Variants in PLPP5 observed in about 807,000 individuals in gnomAD.
PLPP5 encodes the protein diacylglycerol pyrophosphate like 1.
Under a neutral mutation model 23.6 loss-of-function variants are expected in PLPP5, and 29 were observed. The observed-to-expected ratio is 1.23, with a 90% CI of 0.92 to 1.68. PLPP5 has a LOEUF of 1.68. Ranked by LOEUF, PLPP5 falls within the 40% of genes most tolerant of loss-of-function variation. The pLI is 0.00. For synonymous variants in PLPP5, 143 were observed against 131.3 expected, an observed-to-expected ratio of 1.09 and a Z score of -0.61; for missense variants, 315 against 332.1, an observed-to-expected ratio of 0.95 and a Z score of 0.40.
At position 38,264,313 on chromosome 8, in the gene PLPP5, TGTATTTTTA is replaced by T. The variant is rs1260425998; in HGVS notation, c.*122_*130del. The T allele has an allele frequency of 3.1e-5, 25 of 812,840 alleles. No individual in the cohort carries two copies. The highest frequency in any genetic ancestry group is 4.4e-5 in the Non-Finnish European group (25 of 573,554). 50.4% of individuals were successfully genotyped at this position (812,840 alleles called of 1,614,324 possible). The stretch of plus-strand genomic sequence containing the variant: ...CGGCACACAACTCCTGGCTAATTTT[TGTATTTTTA>T]GTAGAGACAGGGTTCACCATGTTGG... On this transcript the variant is annotated 3_prime_UTR_variant, in exon 7 of 7. Transcript: ENST00000424479.
chr8:38,267,522 A>G, intron 4 of PLPP5, 131 bp from the exon 5 acceptor site: 2 of 1,078,644 alleles, frequency 1.9e-6, no homozygotes, highest in Admixed American at 5.5e-5. Context: ...TAACTGGCTT[A>G]GTATAGTCAC....
intron 6 of PLPP5, 85 bp downstream of exon 6, chr8:38,266,056 T>A: frequency 7.9e-7 from 1 of 1,261,918 alleles, no homozygotes; most frequent in Non-Finnish European, 1.1e-6. Context: ...TCAGCAGATA[T>A]TTAGTAAGCA....
At position 38,265,143 on chromosome 8, in the gene PLPP5, G is replaced by A. The variant is rs1240705379; in HGVS notation, c.635-539C>T. ...TAGCCGGGCGTGGTGGCATGTGCCT[G>A]TAATCCCAGATACTCAGGAGGCTGA... is the stretch of plus-strand genomic sequence containing the variant. On this transcript the variant is annotated intron_variant, in intron 6 of 6. Coordinates refer to ENST00000424479, the MANE Select transcript of PLPP5 (RefSeq NM_001102559.2). 2.3e-5 allele frequency: 12 copies of A among 528,508 alleles called. No individual in the cohort carries two copies. In the East Asian group the frequency reaches 2.7e-4, roughly 12 times the overall value. The allele number at this position is 528,508 out of a possible 1,614,324, so 32.7% of individuals were successfully genotyped here.
At position 38,269,210 on chromosome 8, in the gene PLPP5, G is replaced by GT; in HGVS notation, c.-12_-11insA. 1.3e-6 allele frequency: 2 copies of GT among 1,496,566 alleles called. No individual in the cohort carries two copies. The highest frequency in any genetic ancestry group is 2.5e-5 in the South Asian group (2 of 80,122). The allele number at this position is 1,496,566 out of a possible 1,614,324, so 92.7% of individuals were successfully genotyped here. A position where few individuals can be genotyped will look rare whatever the true frequency, so the allele number is the denominator to read the frequency against. On this transcript the variant is annotated 5_prime_UTR_variant, in exon 1 of 7. Transcript: ENST00000424479. Reference sequence around the variant, plus strand: ...CGCCGCCTTCCCCATCCGGCCGCGAGCTCCGAGCGACGCTGCGCTGACGTG... The same window carrying GT: ...CGCCGCCTTCCCCATCCGGCCGCGAGTCTCCGAGCGACGCTGCGCTGACGTG...
intron 6 of PLPP5, among the ~76,000 whole-genome samples, chr8:38,265,244 C>T (rs1440586734): frequency 9.7e-5 from 13 of 133,490 alleles, no homozygotes; most frequent in South Asian, 2.3e-4. Context: ...CCAGCCTGGG[C>T]GCAGAGCTAG....
Position 38,269,206 on chromosome 8 carries a change from G to C in PLPP5, c.-7C>G, listed in dbSNP as rs781738657. ...CCGCCGCCGCCTTCCCCATCCGGCCGCGAGCTCCGAGCGACGCTGCGCTGA... is the reference window on the plus strand; with the variant it reads ...CCGCCGCCGCCTTCCCCATCCGGCCCCGAGCTCCGAGCGACGCTGCGCTGA... On this transcript the variant is annotated 5_prime_UTR_variant, in exon 1 of 7. Transcript: ENST00000424479. 2,887 of 1,497,404 alleles carry C rather than the reference G, an allele frequency of 1.9e-3. 13 individuals are homozygous for C. The highest frequency in any genetic ancestry group is 1.8e-3 in the Non-Finnish European group (2,033 of 1,131,280). 92.8% of individuals were successfully genotyped at this position (1,497,404 alleles called of 1,614,324 possible). A position where few individuals can be genotyped will look rare whatever the true frequency, so the allele number is the denominator to read the frequency against.
Position 38,263,852 on chromosome 8 carries a change from T to G in PLPP5, c.*592A>C. On this transcript the variant is annotated 3_prime_UTR_variant, in exon 7 of 7. Coordinates refer to ENST00000424479, the MANE Select transcript of PLPP5 (RefSeq NM_001102559.2). ...ATCCTTCTAAGAATGGCATTTAAAT[T>G]AAATGTAAAAACACTGTAGATCTTC... 1.0e-6 allele frequency: 1 copy of G among 985,292 alleles called. No individual in the cohort carries two copies. The highest frequency in any genetic ancestry group is 1.2e-6 in the Non-Finnish European group (1 of 829,790). The allele number at this position is 985,292 out of a possible 1,614,324, so 61.0% of individuals were successfully genotyped here.
Position 38,264,786 on chromosome 8 carries a change from T to A in PLPP5, c.635-182A>T, listed in dbSNP as rs936757012. 4.7e-6 allele frequency: 7 copies of A among 1,501,154 alleles called. No individual in the cohort carries two copies. The African/African-American group carries it at 9.9e-5, about 21-fold the overall frequency. 93.0% of individuals were successfully genotyped at this position (1,501,154 alleles called of 1,614,324 possible). ...TCTCAATTTTATCATAGTTACAGTATTATCATTGTCAGGTTGCTTTCTGAA... is the reference window on the plus strand; with the variant it reads ...TCTCAATTTTATCATAGTTACAGTAATATCATTGTCAGGTTGCTTTCTGAA... On this transcript the variant is annotated intron_variant, in intron 6 of 6. Coordinates refer to ENST00000424479, the MANE Select transcript of PLPP5 (RefSeq NM_001102559.2).
chr8:38,264,489 A>G lies in PLPP5; in HGVS notation c.750T>C (p.Leu250=), dbSNP rs752034336. The change falls in exon 7 of 7, where the codon CTT becomes CTC. Residue 250 remains leucine (L), a synonymous_variant. Coordinates refer to ENST00000424479, the MANE Select transcript of PLPP5 (RefSeq NM_001102559.2). ...AATCCCCAGGCTTCTGTGCAGTGGA[A>G]AGTACAAGTTTGTCTTGAAATGGTT... is the stretch of plus-strand genomic sequence containing the variant. ...CHKPFQDKLV[L]STAQKPGDSY... The G allele has an allele frequency of 3.3e-5, 52 of 1,553,832 alleles. No individual in the cohort carries two copies. The East Asian group carries it at 1.0e-3, about 30-fold the overall frequency.
At chr8:38,268,833 G>C (rs755185719) in intron 2 of PLPP5, 49 bp downstream of exon 2, 105 of 1,483,812 alleles carry the variant, frequency 7.1e-5, no homozygotes, top group Non-Finnish European at 8.0e-5. Flanking sequence ...AGGTGCCCGC[G>C]GGAAGCCGGG....
intron 2 of PLPP5, 63 bp downstream of exon 2, chr8:38,268,819 G>T: frequency 6.8e-7 from 1 of 1,464,344 alleles, no homozygotes; most frequent in South Asian, 1.4e-5. Context: ...GGTGGAAAAC[G>T]CACAGGTGCC....
In PLPP5 at chr8:38,269,178, C is replaced by T. The variant is rs1292718048; in HGVS notation, c.22G>A (p.Val8Met). 4 of 1,500,434 alleles carry T rather than the reference C, an allele frequency of 2.7e-6. No individual in the cohort carries two copies. The highest frequency in any genetic ancestry group is 2.7e-5 in the East Asian group (1 of 36,430). 92.9% of individuals were successfully genotyped at this position (1,500,434 alleles called of 1,614,324 possible). Residue 8 changes from valine to methionine, a missense_variant, in exon 1 of 7, where the codon GTG becomes ATG. By Grantham distance (21) the Val-to-Met change is conservative (BLOSUM62 1). Coordinates refer to ENST00000424479, the MANE Select transcript of PLPP5 (RefSeq NM_001102559.2). MGKAAAA[V>M]AFGAEVGVRL... Reference sequence around the variant, plus strand: ...ACGCCCACTTCGGCCCCAAAGGCCACCGCCGCCGCCGCCTTCCCCATCCGG... The same window carrying T: ...ACGCCCACTTCGGCCCCAAAGGCCATCGCCGCCGCCGCCTTCCCCATCCGG...
intron 3 of PLPP5, 32 bp downstream of exon 3, chr8:38,268,339 G>T: frequency 6.5e-7 from 1 of 1,539,622 alleles, no homozygotes; most frequent in South Asian, 1.2e-5. Context: ...TTCCCAGCAC[G>T]AAGAAACCGG....
At chr8:38,267,074 A>G (rs1807730273) in intron 5 of PLPP5, 193 bp downstream of exon 5, 3 of 1,436,228 alleles carry the variant, frequency 2.1e-6, no homozygotes, top group Non-Finnish European at 2.7e-6. Context: ...AAGGTAAACT[A>G]CCTTTCTGTT....
Position 38,263,691 on chromosome 8 carries a change from A to G in PLPP5, c.*753T>C. 4 of 985,334 alleles carry G rather than the reference A, an allele frequency of 4.1e-6. No homozygotes were observed. The highest frequency in any genetic ancestry group is 4.8e-6 in the Non-Finnish European group (4 of 829,826). The allele number at this position is 985,334 out of a possible 1,614,324, so 61.0% of individuals were successfully genotyped here. A position where few individuals can be genotyped will look rare whatever the true frequency, so the allele number is the denominator to read the frequency against. ...ATGGAATTGTCATCAGAGAAGGTAAACAGAATCAAAGTAATTTAGTTGGCC... is the reference window on the plus strand; with the variant it reads ...ATGGAATTGTCATCAGAGAAGGTAAGCAGAATCAAAGTAATTTAGTTGGCC... On this transcript the variant is annotated 3_prime_UTR_variant, in exon 7 of 7. Transcript: ENST00000424479.
Position 38,264,458 on chromosome 8 carries a change from A to C in PLPP5, c.781T>G (p.Cys261Gly). 1 of 1,548,778 alleles carries C rather than the reference A, an allele frequency of 6.5e-7. No homozygotes were observed. The highest frequency in any genetic ancestry group is 8.7e-7 in the Non-Finnish European group (1 of 1,146,354). Residue 261 changes from cysteine (C) to glycine (G), a missense_variant, in exon 7 of 7, where the codon TGT becomes GGT. Coordinates refer to ENST00000424479, the MANE Select transcript of PLPP5 (RefSeq NM_001102559.2). Reference protein sequence around the residue: ...STAQKPGDSYCFDI With the variant: ...STAQKPGDSYGFDI ...AGATTCAATTTTTAAATATCAAAACAATAAGAATCCCCAGGCTTCTGTGCA... is the reference window on the plus strand; with the variant it reads ...AGATTCAATTTTTAAATATCAAAACCATAAGAATCCCCAGGCTTCTGTGCA...
intron 4 of PLPP5, chr8:38,267,629 C>G (rs1807850304): frequency 1.6e-6 from 1 of 620,208 alleles, no homozygotes; most frequent in African/African-American, 1.8e-5. Context: ...CAGCAAATGA[C>G]ACTGCAGCTT....
chr8:38,264,224 T>C lies in PLPP5; in HGVS notation c.*220A>G, dbSNP rs1000864322. 1.8e-5 allele frequency: 16 copies of C among 875,882 alleles called. No individual in the cohort carries two copies. In the South Asian group the frequency reaches 4.0e-4, roughly 22 times the overall value. 54.3% of individuals were successfully genotyped at this position (875,882 alleles called of 1,614,324 possible). A position where few individuals can be genotyped will look rare whatever the true frequency, so the allele number is the denominator to read the frequency against. On this transcript the variant is annotated 3_prime_UTR_variant, in exon 7 of 7. Transcript: ENST00000424479. Reference sequence around the variant, plus strand: ...GTGCAGTGGTGCGATCTCGGCTCACTGGAACCTCCAGCTCCCAGGTTCAAG... The same window carrying C: ...GTGCAGTGGTGCGATCTCGGCTCACCGGAACCTCCAGCTCCCAGGTTCAAG...
intron 2 of PLPP5, 158 bp from the exon 3 acceptor site, chr8:38,268,619 A>G: frequency 6.9e-7 from 1 of 1,442,172 alleles, no homozygotes; most frequent in Non-Finnish European, 9.1e-7. Flanking sequence ...AGTGAACAGC[A>G]GCGCCCGTGC....
Sources: gnomAD v4.1 joint callset for allele counts (sites outside exome capture counted in the v4.1 genomes callset) on GRCh38, gnomAD v4.1.1 for gene constraint, MANE v1.5 for transcripts, NCBI Gene and HGNC (gene_info 2026-07-23, HGNC 2026-07-21) for gene names.